NPAS3: variants seen among roughly 807,000 people sequenced by gnomAD.
NPAS3 encodes the protein neuronal PAS domain-containing protein 3.
NPAS3 carries 14 observed loss-of-function variants against 73.1 expected under a neutral mutation model. The observed-to-expected ratio is 0.19, with a 90% CI of 0.13 to 0.30. The LOEUF (loss-of-function observed/expected upper bound fraction) is 0.30. Among genes scored for constraint, NPAS3 ranks in the 10% least tolerant of loss-of-function variants. The pLI is 1.00. For missense variants in NPAS3, 1,096 were observed against 1,250.0 expected, an observed-to-expected ratio of 0.88 and a Z score of 1.86; for synonymous variants, 620 against 541.5, an observed-to-expected ratio of 1.14 and a Z score of -2.01.
chr14:33,653,607 A>G (rs1056785823), intron 5 of NPAS3, among the ~76,000 whole-genome samples: 2 of 152,224 alleles, frequency 1.3e-5, no homozygotes, highest in Non-Finnish European at 2.9e-5. Flanking sequence ...TATGATTTGC[A>G]TGAATTCTGT....
At chr14:33,531,604 AT>A (rs2054047197) in intron 4 of NPAS3, among the ~76,000 whole-genome samples, 1 of 152,054 alleles carries the variant, frequency 6.6e-6, no homozygotes, top group African/African-American at 2.4e-5. Context: ...TTGATTCAAT[AT>A]TTTGGCACCG....
At chr14:33,113,235 T>C (rs1436910647) in intron 2 of NPAS3, among the ~76,000 whole-genome samples, 3 of 152,198 alleles carry the variant, frequency 2.0e-5, no homozygotes, top group Non-Finnish European at 4.4e-5. Context: ...GGGGATGGCA[T>C]TGAATCTATA....
chr14:32,939,138 CGCCACG>C (rs1275803562), upstream of NPAS3: 2 of 147,614 alleles, frequency 1.4e-5, no homozygotes, highest in Non-Finnish European at 2.8e-5. Flanking sequence ...CCGCCGCCGC[CGCCACG>C]GCCACGGCCA....
chr14:33,349,961 C>A (rs954545416), intron 3 of NPAS3, among the ~76,000 whole-genome samples: 1 of 152,240 alleles, frequency 6.6e-6, no homozygotes, highest in Non-Finnish European at 1.5e-5. Flanking sequence ...TCCGCGTCCT[C>A]TGGCACATCA....
At chr14:33,177,987 T>G (rs776964665) in intron 2 of NPAS3, among the ~76,000 whole-genome samples, 3 of 152,150 alleles carry the variant, frequency 2.0e-5, no homozygotes, top group Non-Finnish European at 4.4e-5. Context: ...TGGGAGCCCC[T>G]TACACTTCCA....
At chr14:33,143,013 G>A (rs1447132098) in intron 2 of NPAS3, among the ~76,000 whole-genome samples, 3 of 152,190 alleles carry the variant, frequency 2.0e-5, no homozygotes, top group African/African-American at 7.2e-5. Context: ...GCTCAGGCAG[G>A]AGAATGACTT....
intron 1 of NPAS3, among the ~76,000 whole-genome samples, chr14:32,972,047 T>C (rs919486084): frequency 6.6e-6 from 1 of 150,850 alleles, no homozygotes; most frequent in Non-Finnish European, 1.5e-5. Flanking sequence ...CACGCCATTC[T>C]CTTGCCTCAG....
rs796986776 is a variant in NPAS3 at position 33,552,399 on chromosome 14, G to A, written c.469-7722G>A. ...CCTCAGTTTCCTCATCTGCAAAGTA[G>A]GATTAAATAATACCTCTCTCACATG... On this transcript the variant is annotated intron_variant, in intron 4 of 11. Coordinates refer to ENST00000356141, the Ensembl canonical transcript of NPAS3. Among the ~76,000 whole-genome samples, 5 of 152,078 alleles carry A rather than the reference G, an allele frequency of 3.3e-5. 1 individual carries two copies. The highest frequency in any genetic ancestry group is 1.2e-4 in the African/African-American group (5 of 41,502).
intron 3 of NPAS3, among the ~76,000 whole-genome samples, chr14:33,252,296 A>G (rs2048616602): frequency 6.6e-6 from 1 of 151,976 alleles, no homozygotes; most frequent in Non-Finnish European, 1.5e-5. Context: ...ACTCAGATAT[A>G]GCTTTGGTTC....
At chr14:33,661,165 T>C (rs765986846) in intron 5 of NPAS3, among the ~76,000 whole-genome samples, 40 of 151,668 alleles carry the variant, frequency 2.6e-4, no homozygotes, top group Non-Finnish European at 5.4e-4. Context: ...GTAGGGATTA[T>C]GGCTTTGATG....
At chr14:33,391,187 CTTTTTT>C (rs370631048) in intron 4 of NPAS3, among the ~76,000 whole-genome samples, 4 of 109,810 alleles carry the variant, frequency 3.6e-5, no homozygotes, top group Non-Finnish European at 7.2e-5. Context: ...TGGCCCATAT[CTTTTTT>C]TTTTTTTTTT....
At chr14:32,995,829 T>A (rs1199073133) in intron 1 of NPAS3, among the ~76,000 whole-genome samples, 1 of 152,326 alleles carries the variant, frequency 6.6e-6, no homozygotes, top group East Asian at 1.9e-4. Context: ...TATATCTTTA[T>A]CAGCAGTGTG....
chr14:33,088,443 G>A (rs141477214), intron 2 of NPAS3, among the ~76,000 whole-genome samples: 1 of 152,330 alleles, frequency 6.6e-6, no homozygotes, highest in African/African-American at 2.4e-5. Context: ...CTTATTGCTG[G>A]CACAGCAGTC....
intron 1 of NPAS3, 25 bp from the exon 2 acceptor site, chr14:33,055,880 C>G: frequency 1.3e-6 from 1 of 785,196 alleles, no homozygotes; most frequent in African/African-American, 1.7e-5. Flanking sequence ...CTAGTCATGT[C>G]TATCTGTTTT....
intron 6 of NPAS3, among the ~76,000 whole-genome samples, chr14:33,725,143 G>A (rs931654829): frequency 6.6e-6 from 1 of 152,068 alleles, no homozygotes; most frequent in African/African-American, 2.4e-5. Context: ...TCTAATAAAA[G>A]TATGGTTATT....
At chr14:32,954,889 G>T (rs1165318463) in intron 1 of NPAS3, among the ~76,000 whole-genome samples, 2 of 152,148 alleles carry the variant, frequency 1.3e-5, no homozygotes, top group Admixed American at 1.3e-4. Context: ...TACATTAAAA[G>T]ATGGTTATGA....
At chr14:33,121,644 T>C (rs2043234933) in intron 2 of NPAS3, among the ~76,000 whole-genome samples, 1 of 152,146 alleles carries the variant, frequency 6.6e-6, no homozygotes, top group Non-Finnish European at 1.5e-5. Context: ...CTCTCTGACA[T>C]AACTTTTTAA....
intron 5 of NPAS3, among the ~76,000 whole-genome samples, chr14:33,573,121 C>A (rs2056294195): frequency 6.7e-6 from 1 of 150,312 alleles, no homozygotes; most frequent in South Asian, 2.1e-4. Flanking sequence ...CCTGAAAATT[C>A]TGATACTCAA....
intron 3 of NPAS3, among the ~76,000 whole-genome samples, chr14:33,238,692 ATTC>A (rs1020128809): frequency 2.6e-5 from 4 of 152,002 alleles, no homozygotes; most frequent in Admixed American, 2.6e-4. Context: ...CTGTAAGGAA[ATTC>A]TTCTTGTAAC....
Sources: gnomAD v4.1 joint callset for allele counts (sites outside exome capture counted in the v4.1 genomes callset) on GRCh38, gnomAD v4.1.1 for gene constraint, MANE v1.5 for transcripts, NCBI Gene and HGNC (gene_info 2026-07-23, HGNC 2026-07-21) for gene names.